TMEM132C: variants seen among roughly 807,000 people sequenced by gnomAD.
TMEM132C encodes the protein transmembrane protein 132C.
Under a neutral mutation model 61.4 loss-of-function variants are expected in TMEM132C, and 29 were observed. The observed-to-expected ratio is 0.47, with a 90% CI of 0.35 to 0.64. TMEM132C has a LOEUF of 0.64. Ranked by LOEUF, TMEM132C falls within the 30% of genes least tolerant of loss-of-function variation. The probability of loss-of-function intolerance (pLI) is 0.00; values close to 1 mark genes in which losing one functional copy is unlikely to be tolerated. For missense variants in TMEM132C, 1,408 were observed against 1,476.9 expected (o/e 0.95, Z 0.76); for synonymous variants, 656 against 633.1 (o/e 1.04, Z -0.54).
intron 3 of TMEM132C, among the ~76,000 whole-genome samples, chr12:128,604,765 A>G (rs947594849): frequency 6.6e-6 from 1 of 152,014 alleles, no homozygotes; most frequent in Non-Finnish European, 1.5e-5. Context: ...TAATAAATGG[A>G]TGGATGGATA....
intron 3 of TMEM132C, among the ~76,000 whole-genome samples, chr12:128,600,586 G>A (rs1876147813): frequency 6.6e-6 from 1 of 152,188 alleles, no homozygotes; most frequent in Non-Finnish European, 1.5e-5. Flanking sequence ...TTGCAGCTGG[G>A]CACCACAGGG....
At chr12:128,604,452 A>ATAGATAG (rs1876334939) in intron 3 of TMEM132C, among the ~76,000 whole-genome samples, 1 of 120,962 alleles carries the variant, frequency 8.3e-6, no homozygotes, top group East Asian at 2.2e-4. Context: ...TAGATAGATA[A>ATAGATAG]TAGATGGATA....
At chr12:128,620,767 T>C (rs1171472947) in intron 4 of TMEM132C, among the ~76,000 whole-genome samples, 2 of 152,094 alleles carry the variant, frequency 1.3e-5, no homozygotes, top group African/African-American at 4.8e-5. Context: ...TCATTTTCCT[T>C]GACCCCTAAA....
chr12:128,428,335 C>T (rs943032586), intron 2 of TMEM132C, among the ~76,000 whole-genome samples: 1 of 152,162 alleles, frequency 6.6e-6, no homozygotes, highest in Non-Finnish European at 1.5e-5. Context: ...TTGTGCAACT[C>T]CATTCGCCCA....
At position 128,505,902 on chromosome 12, in the gene TMEM132C, G is replaced by A. The variant is rs111656396; in HGVS notation, c.975-38055G>A. Reference sequence around the variant, plus strand: ...TGGTCAGACCCGTGGGATTTGGGATGGCACTTGCATTCCACAGAGCCTCCC... The same window carrying A: ...TGGTCAGACCCGTGGGATTTGGGATAGCACTTGCATTCCACAGAGCCTCCC... On this transcript the variant is annotated intron_variant, in intron 2 of 8. Coordinates refer to ENST00000435159, the MANE Select transcript of TMEM132C (RefSeq NM_001136103.3). Among the ~76,000 whole-genome samples, 32 of 112,628 alleles carry A rather than the reference G, an allele frequency of 2.8e-4. No homozygotes were observed. The East Asian group carries it at 9.1e-3, about 32-fold the overall frequency. The allele number at this position is 112,628 out of a possible 152,430, so 73.9% of individuals were successfully genotyped here. A position where few individuals can be genotyped will look rare whatever the true frequency, so the allele number is the denominator to read the frequency against.
At chr12:128,484,882 C>T (rs1413494833) in intron 2 of TMEM132C, among the ~76,000 whole-genome samples, 5 of 152,008 alleles carry the variant, frequency 3.3e-5, no homozygotes, top group Non-Finnish European at 5.9e-5. Context: ...CACTTGAGCC[C>T]AGGAGTTCGA....
chr12:128,456,366 C>CTTTTTTTTTTTTTTTTTTTTTTTT, intron 2 of TMEM132C, among the ~76,000 whole-genome samples: 1 of 52,498 alleles, frequency 1.9e-5, no homozygotes, highest in Non-Finnish European at 4.0e-5. Flanking sequence ...TCTGATTAGC[C>CTTTTTTTTTTTTTTTTTTTTTTTT]TTTTTTTTTT....
intron 2 of TMEM132C, among the ~76,000 whole-genome samples, chr12:128,479,178 G>A (rs1236772686): frequency 6.6e-6 from 1 of 152,198 alleles, no homozygotes; most frequent in African/African-American, 2.4e-5. Context: ...AACATACCTA[G>A]AGGGGAACAG....
intron 2 of TMEM132C, among the ~76,000 whole-genome samples, chr12:128,519,739 G>T (rs1248160543): frequency 1.3e-5 from 2 of 152,212 alleles, no homozygotes; most frequent in Non-Finnish European, 2.9e-5. Flanking sequence ...CTCGCTAGAA[G>T]TCCTTGGCCA....
chr12:128,331,742 G>T (rs1375471910), intron 1 of TMEM132C, among the ~76,000 whole-genome samples: 1 of 152,160 alleles, frequency 6.6e-6, no homozygotes, highest in Non-Finnish European at 1.5e-5. Flanking sequence ...ACCAGTGTAG[G>T]TATCTTTCTG....
At chr12:128,338,643 G>A (rs1056605502) in intron 1 of TMEM132C, among the ~76,000 whole-genome samples, 3 of 151,854 alleles carry the variant, frequency 2.0e-5, no homozygotes, top group East Asian at 1.9e-4. Context: ...AGTTCTCAGC[G>A]GGCCCCCTCC....
chr12:128,435,837 G>A lies in TMEM132C; in HGVS notation c.974+20217G>A, dbSNP rs570568393. 7.8e-4 allele frequency among the ~76,000 whole-genome samples: 119 copies of A among 152,154 alleles called. No homozygotes were observed. In the Middle Eastern group the frequency reaches 0.01, roughly 13 times the overall value. Reference sequence around the variant, plus strand: ...GGAACCAAAAAAGAGCCCACATTGCGAAGACAATCCTAAGCAAAAAGAACA... The same window carrying A: ...GGAACCAAAAAAGAGCCCACATTGCAAAGACAATCCTAAGCAAAAAGAACA... On this transcript the variant is annotated intron_variant, in intron 2 of 8. Transcript: ENST00000435159.
At chr12:128,380,462 A>C (rs1387481796) in intron 1 of TMEM132C, among the ~76,000 whole-genome samples, 2 of 152,262 alleles carry the variant, frequency 1.3e-5, no homozygotes, top group African/African-American at 4.8e-5. Context: ...CAGGATGTTA[A>C]ATAATAAGGG....
At position 128,445,831 on chromosome 12, in the gene TMEM132C, C is replaced by T. The variant is rs148021656; in HGVS notation, c.974+30211C>T. Among the ~76,000 whole-genome samples, 278 of 152,228 alleles carry T rather than the reference C, an allele frequency of 1.8e-3. 1 individual carries two copies. Among genetic ancestry groups the T allele is most frequent in the African/African-American group, 6.2e-3 (258 of 41,530 alleles). On this transcript the variant is annotated intron_variant, in intron 2 of 8. Transcript: ENST00000435159. The stretch of plus-strand genomic sequence containing the variant: ...CCACCCCTCACCCCTGGGGACTTCA[C>T]GCTGCTTCTAGAATGCTCTATCTTC...
At chr12:128,282,905 A>G (rs933715636) in intron 1 of TMEM132C, among the ~76,000 whole-genome samples, 5 of 152,134 alleles carry the variant, frequency 3.3e-5, no homozygotes, top group Non-Finnish European at 7.4e-5. Flanking sequence ...TTGTCTTTGT[A>G]CTTTATCGGG....
intron 2 of TMEM132C, among the ~76,000 whole-genome samples, chr12:128,427,502 T>C (rs111307507): frequency 0.012 from 1,732 of 150,594 alleles, 27 homozygotes; most frequent in African/African-American, 0.04. Flanking sequence ...GCAGTGTAGA[T>C]GGGATTGAGA....
chr12:128,704,435 T>G (rs1388352139), intron 8 of TMEM132C, among the ~76,000 whole-genome samples: 1 of 152,162 alleles, frequency 6.6e-6, no homozygotes, highest in Non-Finnish European at 1.5e-5. Flanking sequence ...GCCAATGCCA[T>G]GTACTGTGTC....
chr12:128,290,526 T>C (rs1871214970), intron 1 of TMEM132C, among the ~76,000 whole-genome samples: 1 of 152,108 alleles, frequency 6.6e-6, no homozygotes, highest in Admixed American at 6.5e-5. Context: ...AGCTAAACCA[T>C]ATCGGACACT....
intron 1 of TMEM132C, among the ~76,000 whole-genome samples, chr12:128,381,516 C>A (rs1415516125): frequency 6.6e-6 from 1 of 152,194 alleles, no homozygotes; most frequent in Non-Finnish European, 1.5e-5. Context: ...TGTGGCTGCT[C>A]TTTTGAAAGG....
Sources: allele counts gnomAD v4.1 joint callset (sites outside exome capture counted in the v4.1 genomes callset), GRCh38; gene constraint gnomAD v4.1.1; transcripts MANE v1.5; gene names NCBI Gene and HGNC (gene_info 2026-07-23, HGNC 2026-07-21).